The following DENND2B variants were observed in gnomAD, a reference collection of about 807,000 sequenced individuals.
DENND2B encodes the protein DENN domain-containing protein 2B.
Under a neutral mutation model 116.0 loss-of-function variants are expected in DENND2B, and 32 were observed. That is an observed-to-expected ratio of 0.28 (90% CI 0.21 to 0.37). The LOEUF is 0.37. Among genes scored for constraint, DENND2B ranks in the 10% least tolerant of loss-of-function variants. The pLI is 1.00. For synonymous variants in DENND2B, 588 were observed against 583.9 expected, an observed-to-expected ratio of 1.01 and a Z score of -0.10; for missense variants, 1,276 against 1,477.7, an observed-to-expected ratio of 0.86 and a Z score of 2.24.
chr11:8,710,791 A>ACC, intron 11 of DENND2B, 54 bp downstream of exon 11: 1 of 1,338,840 alleles, frequency 7.5e-7, no homozygotes, highest in South Asian at 1.2e-5. Flanking sequence ...ACACACACAC[A>ACC]CACCCTGGCC....
intron 1 of DENND2B, among the ~76,000 whole-genome samples, chr11:8,804,525 A>G (rs1426275972): frequency 6.8e-6 from 1 of 147,154 alleles, no homozygotes; most frequent in Non-Finnish European, 1.5e-5. Context: ...AAGATGAACG[A>G]GATGCAAAAT....
At chr11:8,872,596 T>G (rs1357229494), upstream of DENND2B, among the ~76,000 whole-genome samples, 2 of 152,204 alleles carry the variant, frequency 1.3e-5, no homozygotes. Flanking sequence ...TACTGTTCCT[T>G]TGCCAAAAAA....
chr11:8,825,429 T>C (rs921208406), intron 4 of DENND2B, among the ~76,000 whole-genome samples: 2 of 152,188 alleles, frequency 1.3e-5, no homozygotes, highest in Admixed American at 1.3e-4. Context: ...ACTGGACCTT[T>C]GTCTTATTAG....
intron 17 of DENND2B, 112 bp from the exon 18 acceptor site, chr11:8,696,778 C>T: frequency 6.7e-7 from 1 of 1,481,584 alleles, no homozygotes; most frequent in Non-Finnish European, 9.1e-7. Context: ...CAGTACCACT[C>T]TTCTGTTCTG....
intron 4 of DENND2B, among the ~76,000 whole-genome samples, chr11:8,836,593 T>G (rs923894424): frequency 1.3e-5 from 2 of 151,894 alleles, no homozygotes; most frequent in Non-Finnish European, 2.9e-5. Flanking sequence ...GGCTAATTTT[T>G]GTATTTTTAG....
At chr11:8,882,104 C>G (rs1314983963) in intron 1 of DENND2B, among the ~76,000 whole-genome samples, 1 of 152,096 alleles carries the variant, frequency 6.6e-6, no homozygotes, top group African/African-American at 2.4e-5. Context: ...TTATCTCTAG[C>G]TCCGACTTCT....
intron 1 of DENND2B, among the ~76,000 whole-genome samples, chr11:8,777,477 C>T (rs2057869333): frequency 1.3e-5 from 2 of 152,196 alleles, no homozygotes; most frequent in Non-Finnish European, 2.9e-5. Flanking sequence ...ACTTGGTATT[C>T]ATATGGACCA....
chr11:8,737,481 G>A (rs925312207), intron 2 of DENND2B, among the ~76,000 whole-genome samples: 36 of 152,162 alleles, frequency 2.4e-4, no homozygotes, highest in African/African-American at 8.2e-4. Context: ...GTGACCTGAC[G>A]AAGAGAGGTT....
At chr11:8,885,558 C>G (rs540240967) in intron 1 of DENND2B, among the ~76,000 whole-genome samples, 4 of 152,296 alleles carry the variant, frequency 2.6e-5, no homozygotes, top group South Asian at 2.1e-4. Context: ...AACATGTACT[C>G]TGGGAGTGCA....
At chr11:8,721,643 T>G (rs2046211125) in intron 4 of DENND2B, among the ~76,000 whole-genome samples, 2 of 152,326 alleles carry the variant, frequency 1.3e-5, no homozygotes, top group Admixed American at 1.3e-4. Context: ...GGCTGGCTGT[T>G]GCCCACCCTC....
At chr11:8,893,219 A>G (rs550217994) in intron 1 of DENND2B, among the ~76,000 whole-genome samples, 12 of 152,332 alleles carry the variant, frequency 7.9e-5, no homozygotes, top group African/African-American at 2.9e-4. Context: ...AAAAACTCTC[A>G]ATAAATTAGG....
Position 8,906,509 on chromosome 11 carries a change from C to CA in DENND2B, c.-256+4311dup, listed in dbSNP as rs34773959. 9.3e-3 allele frequency among the ~76,000 whole-genome samples: 1,155 copies of CA among 124,270 alleles called. 13 individuals carry two copies. The highest frequency in any genetic ancestry group is 0.047 in the Middle Eastern group (11 of 236). 81.5% of individuals were successfully genotyped at this position (124,270 alleles called of 152,430 possible). A position where few individuals can be genotyped will look rare whatever the true frequency, so the allele number is the denominator to read the frequency against. On this transcript the variant is annotated intron_variant, in intron 1 of 22. Transcript: ENST00000534127. ...CCACCGCGCCCAGCCAAGAAGTCTT[C>CA]AAAAAAAAAAAAAAAAAAACTCTAC...
intron 2 of DENND2B, among the ~76,000 whole-genome samples, chr11:8,737,094 A>C (rs765823063): frequency 1.3e-5 from 2 of 152,242 alleles, no homozygotes; most frequent in Non-Finnish European, 2.9e-5. Context: ...AGTGAGACAC[A>C]AACGGGAAGT....
chr11:8,718,602 C>T, intron 4 of DENND2B: 1 of 1,345,184 alleles, frequency 7.4e-7, no homozygotes, highest in Non-Finnish European at 9.5e-7. Flanking sequence ...AGAGAACCAT[C>T]AACACTCCCC....
chr11:8,697,532 G>T lies in DENND2B; in HGVS notation c.3045C>A (p.Ser1015=), dbSNP rs151224923. ...CCCGGGCACTATTCTCACCATCGTC[G>T]GAGTCGCTGTCAGAGTCCTGGGAGA... The part of the protein sequence containing the change: ...ELISQDSDSD[S]DDECNTLNGL... Residue 1015 remains serine (S), a synonymous_variant, in exon 17 of 20, where the codon TCC becomes TCA. Transcript: ENST00000313726. 1.2e-6 allele frequency: 2 copies of T among 1,613,684 alleles called. No homozygotes were observed. The highest frequency in any genetic ancestry group is 3.3e-5 in the Admixed American group (2 of 60,032).
chr11:8,707,464 G>A lies in DENND2B; in HGVS notation c.2431-239C>T, dbSNP rs1243924862. On this transcript the variant is annotated intron_variant, in intron 12 of 19. Coordinates refer to ENST00000313726, the MANE Select transcript of DENND2B (RefSeq NM_213618.2). This position sits in a 1 kb window ranked among gnomAD's most constrained non-coding sequence, Gnocchi z 4.8. ...CCAAGAGCGGAGTAGCTGGGCAAAG[G>A]AAATACCACCCAAGAGTCAGCTCCC... 6.6e-6 allele frequency among the ~76,000 whole-genome samples: 1 copy of A among 152,270 alleles called. No homozygotes were observed. Among genetic ancestry groups the A allele is most frequent in the East Asian group, 1.9e-4 (1 of 5,198 alleles).
In DENND2B at chr11:8,730,114, G is replaced by A; in HGVS notation, c.1176C>T (p.Arg392=). ...TCTTGTCAGCCTCGTATTCAAAGGT[G>A]CGCTTGGGTTTGGGGACAGGGTTCA... ...PAVNPVPKPK[R]TFEYEADKNP... is the part of the protein sequence containing the mutation. Residue 392 remains arginine, a synonymous_variant, in exon 3 of 20, where the codon CGC becomes CGT. Coordinates refer to ENST00000313726, the MANE Select transcript of DENND2B (RefSeq NM_213618.2). The surrounding 1 kb of genome is among the most constrained non-coding windows in gnomAD (Gnocchi z 4.1). 2 of 1,614,214 alleles carry A rather than the reference G, an allele frequency of 1.2e-6. No individual in the cohort carries two copies. The highest frequency in any genetic ancestry group is 1.7e-6 in the Non-Finnish European group (2 of 1,180,034).
intron 1 of DENND2B, chr11:8,776,661 G>A (rs2057768693): frequency 1.6e-5 from 3 of 189,772 alleles, no homozygotes; most frequent in East Asian, 1.3e-4. Flanking sequence ...AAGCCACCAC[G>A]GCCTAGTGGC....
At chr11:8,718,096 A>AACCCCCCCCCCCCCCCCCCCCCCCCC in intron 4 of DENND2B, 5 of 65,008 alleles carry the variant, frequency 7.7e-5, no homozygotes, top group Admixed American at 2.4e-4. Context: ...AAGCAGACCC[A>AACCCCCCCCCCCCCCCCCCCCCCCCC]CCCCCCCACC....
Sources: gnomAD v4.1 joint callset for allele counts (sites outside exome capture counted in the v4.1 genomes callset) on GRCh38, gnomAD v4.1.1 for gene constraint, Gnocchi (gnomAD v3.1) non-coding constraint, MANE v1.5 for transcripts, NCBI Gene and HGNC (gene_info 2026-07-23, HGNC 2026-07-21) for gene names.